Variants in TEX14 observed in about 807,000 individuals in gnomAD.
TEX14 encodes the protein inactive serine/threonine-protein kinase TEX14.
In TEX14, 168 loss-of-function variants were observed where a neutral mutation model predicts 178.6. The observed-to-expected ratio is 0.94, with a 90% CI of 0.83 to 1.07. The LOEUF is 1.07. Among genes scored for constraint, TEX14 ranks in the 50% least tolerant of loss-of-function variants. TEX14 has a pLI of 0.00. For missense variants in TEX14, 1,730 were observed against 1,753.6 expected, an observed-to-expected ratio of 0.99 and a Z score of 0.24; for synonymous variants, 626 against 634.1, an observed-to-expected ratio of 0.99 and a Z score of 0.19.
At chr17:58,649,291 G>A (rs1024175037) in intron 2 of TEX14, among the ~76,000 whole-genome samples, 7 of 151,048 alleles carry the variant, frequency 4.6e-5, no homozygotes, top group Admixed American at 1.3e-4. Flanking sequence ...TGTTGGCCAG[G>A]CTGGTCTCAA....
At position 58,561,529 on chromosome 17, in the gene TEX14, C is replaced by G. The variant is rs954587217; in HGVS notation, c.4148G>C (p.Gly1383Ala). 1 of 1,611,758 alleles carries G rather than the reference C, an allele frequency of 6.2e-7. No homozygotes were observed. Among genetic ancestry groups the G allele is most frequent in the Admixed American group, 1.7e-5 (1 of 60,018 alleles). The part of the protein sequence containing the change: ...ESVELQDLPK[G>A]SERETNIKDQ... ...TTTGGGGAACAATAACCTTTCAGAG[C>G]CCTTGGGAAGGTCTTGTAGCTCCAC... Residue 1383 changes from glycine (G) to alanine (A), a missense_variant, in exon 29 of 32, where the codon GGC becomes GCC. This residue lies in a region of TEX14 where 941 missense variants were observed against 1,072.4 expected (regional missense o/e 0.88). Transcript: ENST00000349033.
intron 2 of TEX14, among the ~76,000 whole-genome samples, chr17:58,637,704 G>T (rs2046468747): frequency 6.6e-6 from 1 of 152,074 alleles, no homozygotes; most frequent in Non-Finnish European, 1.5e-5. Context: ...TGTATATTTT[G>T]TGATATCTTT....
chr17:58,688,815 G>A (rs541881003), intron 1 of TEX14, among the ~76,000 whole-genome samples: 62 of 152,260 alleles, frequency 4.1e-4, no homozygotes, highest in African/African-American at 1.4e-3. Flanking sequence ...CCCGGGGGGG[G>A]TTTGGGAGAT....
chr17:58,659,138 TTCAA>T (rs1305166935), intron 1 of TEX14, among the ~76,000 whole-genome samples: 1 of 150,728 alleles, frequency 6.6e-6, no homozygotes, highest in Admixed American at 6.6e-5. Flanking sequence ...TTTAAACTAG[TTCAA>T]TCACAGGACA....
chr17:58,626,161 C>T (rs1213344347), intron 3 of TEX14, among the ~76,000 whole-genome samples: 1 of 152,146 alleles, frequency 6.6e-6, no homozygotes, highest in East Asian at 1.9e-4. Flanking sequence ...AGCAATAGAT[C>T]CCTGACCCTC....
At chr17:58,635,294 G>C (rs751179831) in intron 2 of TEX14, among the ~76,000 whole-genome samples, 2 of 152,036 alleles carry the variant, frequency 1.3e-5, no homozygotes, top group Non-Finnish European at 2.9e-5. Context: ...TTGACAAGAA[G>C]AAATTACAGT....
intron 30 of TEX14, among the ~76,000 whole-genome samples, chr17:58,559,124 C>T (rs1324100973): frequency 6.6e-6 from 1 of 151,980 alleles, no homozygotes; most frequent in Non-Finnish European, 1.5e-5. Flanking sequence ...GAGCCGAGAT[C>T]GTGCCACTGC....
chr17:58,595,211 G>C (rs1210831177), intron 14 of TEX14, among the ~76,000 whole-genome samples: 1 of 152,108 alleles, frequency 6.6e-6, no homozygotes, highest in East Asian at 1.9e-4. Context: ...TAAGAACTAA[G>C]AAATTAAAGA....
intron 10 of TEX14, among the ~76,000 whole-genome samples, chr17:58,607,214 A>G (rs1159843730): frequency 4.6e-5 from 7 of 152,142 alleles, no homozygotes; most frequent in African/African-American, 1.4e-4. Context: ...ACCAGCTTTC[A>G]AAGAAGGGTA....
At position 58,586,019 on chromosome 17, in the gene TEX14, G is replaced by A. The variant is rs116531608; in HGVS notation, c.2852C>T (p.Pro951Leu). Residue 951 changes from proline to leucine, a missense_variant, in exon 18 of 32, where the codon CCT (proline) becomes CTT (leucine). Physicochemically the swap from Pro to Leu is moderately conservative, Grantham distance 98. Transcript: ENST00000349033. ...GCTCTCTAAAGTCAGACTACTCTGA[G>A]GATGCCAAGGAGGTACTGTGAGCTG... is the stretch of plus-strand genomic sequence containing the variant. ...TGQLTVPPWH[P>L]QSSLTLESEA... 8 of 1,614,128 alleles carry A rather than the reference G, an allele frequency of 5.0e-6. No homozygotes were observed. The African/African-American group carries it at 8.0e-5, about 16-fold the overall frequency.
At position 58,616,296 on chromosome 17, in the gene TEX14, TA is replaced by T; in HGVS notation, c.645del (p.Thr216LeufsTer9). ...IYSFGFGKFY[L>X]TGATQMAYLG... ...AGATAGGCCATCTGTGTCGCCCCAG[TA>T]AGATAAAACTGAAACCAAGGCATAG... On this transcript the variant is annotated frameshift_variant, in exon 7 of 32. Coordinates refer to ENST00000349033, the MANE Select transcript of TEX14 (RefSeq NM_031272.5). LOFTEE classifies it high-confidence loss of function. 1.9e-6 allele frequency: 3 copies of T among 1,612,890 alleles called. No individual in the cohort carries two copies. The highest frequency in any genetic ancestry group is 2.5e-6 in the Non-Finnish European group (3 of 1,179,610).
chr17:58,613,980 G>C (rs1343824949), intron 8 of TEX14, among the ~76,000 whole-genome samples: 3 of 151,954 alleles, frequency 2.0e-5, no homozygotes, highest in African/African-American at 7.2e-5. Flanking sequence ...TGTATACAAT[G>C]TTTTCTAAGA....
intron 10 of TEX14, among the ~76,000 whole-genome samples, chr17:58,608,155 C>T (rs1340328817): frequency 2.6e-5 from 4 of 152,070 alleles, no homozygotes; most frequent in Non-Finnish European, 4.4e-5. Context: ...CAGGGGCTCA[C>T]GCCTGTATTC....
chr17:58,617,425 GAAC>G (rs769182493), intron 6 of TEX14, 110 bp downstream of exon 6: 11 of 736,240 alleles, frequency 1.5e-5, no homozygotes, highest in Middle Eastern at 2.5e-4. Context: ...AAAAAGAAAA[GAAC>G]AACACTTTGG....
At chr17:58,658,827 G>A (rs1306396202) in intron 1 of TEX14, among the ~76,000 whole-genome samples, 1 of 151,776 alleles carries the variant, frequency 6.6e-6, no homozygotes, top group African/African-American at 2.4e-5. Context: ...TCTTCATTGA[G>A]ATAGGGTCTC....
At chr17:58,672,795 G>A (rs2047325378) in intron 1 of TEX14, among the ~76,000 whole-genome samples, 1 of 150,456 alleles carries the variant, frequency 6.6e-6, no homozygotes, top group Non-Finnish European at 1.5e-5. Flanking sequence ...GCAATGGTGT[G>A]ATCTCGGCTT....
chr17:58,616,278 C>T lies in TEX14; in HGVS notation c.664G>A (p.Ala222Thr). The T allele has an allele frequency of 6.2e-7, 1 of 1,613,762 alleles. No homozygotes were observed. The highest frequency in any genetic ancestry group is 8.5e-7 in the Non-Finnish European group (1 of 1,179,868). Residue 222 changes from alanine to threonine, a missense_variant, in exon 7 of 32, where the codon GCC becomes ACC. Around this residue, in one of 2 missense-constraint regions of TEX14, gnomAD observed 789 missense variants for 681.2 expected, o/e 1.16. Transcript: ENST00000349033. ...ATGACCGGAAGAGATCCTAGATAGG[C>T]CATCTGTGTCGCCCCAGTAAGATAA... ...KFYLTGATQM[A>T]YLGSLPVIGE...
chr17:58,682,577 T>C (rs959094861), intron 1 of TEX14, among the ~76,000 whole-genome samples: 13 of 152,022 alleles, frequency 8.6e-5, no homozygotes, highest in Admixed American at 7.9e-4. Context: ...GATTTCAAAG[T>C]GTGTTTTATT....
At chr17:58,647,667 A>G (rs1428980868) in intron 2 of TEX14, among the ~76,000 whole-genome samples, 1 of 151,488 alleles carries the variant, frequency 6.6e-6, no homozygotes, top group African/African-American at 2.4e-5. Context: ...CAATCTTTCA[A>G]CAAATTCCAA....
Sources: gnomAD v4.1 joint callset for allele counts (sites outside exome capture counted in the v4.1 genomes callset) on GRCh38, gnomAD v4.1.1 for gene constraint, gnomAD v4.1.1 regional missense constraint, MANE v1.5 for transcripts, NCBI Gene and HGNC (gene_info 2026-07-23, HGNC 2026-07-21) for gene names.